Variants in GRM5 observed in about 807,000 individuals in gnomAD.
GRM5 encodes glutamate metabotropic receptor 5.
In GRM5, 19 loss-of-function variants were observed where a neutral mutation model predicts 83.1. That is an observed-to-expected ratio of 0.23 (90% CI 0.16 to 0.34). The LOEUF (loss-of-function observed/expected upper bound fraction) is 0.34, where lower values mean the gene tolerates loss of function less well. Among genes scored for constraint, GRM5 ranks in the 10% least tolerant of loss-of-function variants. The pLI is 1.00. For synonymous variants in GRM5, 675 were observed against 633.6 expected (o/e 1.07, Z -0.98); for missense variants, 1,160 against 1,588.3 (o/e 0.73, Z 4.58).
At chr11:88,837,807 G>A (rs1180038595) in intron 3 of GRM5, among the ~76,000 whole-genome samples, 1 of 152,084 alleles carries the variant, frequency 6.6e-6, no homozygotes, top group South Asian at 2.1e-4. Context: ...TACGTCGGCC[G>A]GGCGCGGTGG....
chr11:88,832,380 T>TA (rs1192150694), intron 3 of GRM5, among the ~76,000 whole-genome samples: 16 of 152,156 alleles, frequency 1.1e-4, no homozygotes, highest in South Asian at 2.1e-4. Flanking sequence ...CAATGGCTAT[T>TA]AAAAAAATCT....
chr11:89,013,952 C>T (rs555871145), intron 2 of GRM5, among the ~76,000 whole-genome samples: 33 of 152,216 alleles, frequency 2.2e-4, no homozygotes, highest in African/African-American at 5.8e-4. Flanking sequence ...AAGTACATTA[C>T]GTTTGAAAAG....
At chr11:88,598,286 T>A (rs974695009) in intron 5 of GRM5, among the ~76,000 whole-genome samples, 3 of 152,172 alleles carry the variant, frequency 2.0e-5, no homozygotes, top group African/African-American at 7.2e-5. Context: ...ATGGAAAATG[T>A]TCTCGCTTTT....
chr11:89,046,265 T>C (rs1201789105), intron 2 of GRM5, among the ~76,000 whole-genome samples: 3 of 152,316 alleles, frequency 2.0e-5, no homozygotes, highest in Non-Finnish European at 4.4e-5. Flanking sequence ...TTGGACTATA[T>C]TGATATGTTA....
In GRM5 at chr11:88,702,098, G is replaced by A. The variant is rs61904084; in HGVS notation, c.912-48695C>T. 2.0e-3 allele frequency among the ~76,000 whole-genome samples: 305 copies of A among 152,122 alleles called. 1 individual carries two copies. The highest frequency in any genetic ancestry group is 2.3e-3 in the Non-Finnish European group (159 of 67,984). On this transcript the variant is annotated intron_variant, in intron 3 of 9. Coordinates refer to ENST00000305447, the MANE Select transcript of GRM5 (RefSeq NM_001143831.3). ...TTTAAGGTTGTCTGCTGTCCCGTTA[G>A]CCAAGGGGGCATTAATTCAGTCTGT...
chr11:88,914,290 A>T (rs1945553893), intron 2 of GRM5, among the ~76,000 whole-genome samples: 1 of 152,160 alleles, frequency 6.6e-6, no homozygotes, highest in African/African-American at 2.4e-5. Context: ...TTAATTCAAA[A>T]ATATGAAGAA....
At chr11:88,550,979 T>A (rs983237398) in intron 8 of GRM5, among the ~76,000 whole-genome samples, 1 of 152,130 alleles carries the variant, frequency 6.6e-6, no homozygotes, top group African/African-American at 2.4e-5. Context: ...CTTCCTTACT[T>A]ATAAAATGGG....
intron 3 of GRM5, among the ~76,000 whole-genome samples, chr11:88,765,091 A>G (rs898831095): frequency 8.6e-5 from 13 of 151,722 alleles, no homozygotes; most frequent in African/African-American, 3.1e-4. Flanking sequence ...TAACAATTTG[A>G]TAACCTAGAT....
intron 8 of GRM5, among the ~76,000 whole-genome samples, chr11:88,540,972 A>T (rs2135131109): frequency 6.6e-6 from 1 of 151,878 alleles, no homozygotes; most frequent in Middle Eastern, 3.4e-3. Context: ...GGATGGTCTC[A>T]ATCTCCTGAC....
At chr11:88,547,553 C>T (rs1942412568) in intron 8 of GRM5, among the ~76,000 whole-genome samples, 1 of 152,174 alleles carries the variant, frequency 6.6e-6, no homozygotes, top group Non-Finnish European at 1.5e-5. Context: ...TCCCATTATT[C>T]TTGTACTCAA....
intron 8 of GRM5, among the ~76,000 whole-genome samples, chr11:88,544,082 CACACAT>C (rs1236812975): frequency 3.9e-5 from 6 of 152,106 alleles, no homozygotes; most frequent in South Asian, 2.1e-4. Context: ...CTCTCACACA[CACACAT>C]ACACATACAC....
At chr11:89,063,643 C>G (rs1942044471) in intron 1 of GRM5, 1 of 152,220 alleles carries the variant, frequency 6.6e-6, no homozygotes, top group Non-Finnish European at 1.5e-5. Context: ...GCAGAACAGC[C>G]GAGCTGAGGG....
intron 2 of GRM5, among the ~76,000 whole-genome samples, chr11:89,002,466 CT>C (rs1940411647): frequency 6.6e-6 from 1 of 152,122 alleles, no homozygotes; most frequent in Admixed American, 6.6e-5. Flanking sequence ...TTTGTTGCCC[CT>C]GATTCCCACA....
chr11:88,679,940 A>G (rs200431443), intron 3 of GRM5, among the ~76,000 whole-genome samples: 1 of 2,006 alleles, frequency 5.0e-4, no homozygotes, highest in African/African-American at 5.6e-4. Flanking sequence ...ATAAAAACAA[A>G]TAGACAAAAA....
At chr11:88,515,643 C>G (rs549722929) in intron 9 of GRM5, among the ~76,000 whole-genome samples, 1 of 152,298 alleles carries the variant, frequency 6.6e-6, no homozygotes, top group South Asian at 2.1e-4. Flanking sequence ...TACTCTTCAT[C>G]CTGACATTTA....
At chr11:88,902,950 C>CAAAAAAA (rs201996144) in intron 2 of GRM5, among the ~76,000 whole-genome samples, 40 of 61,888 alleles carry the variant, frequency 6.5e-4, no homozygotes, top group African/African-American at 2.3e-3. Flanking sequence ...GACTCCATCT[C>CAAAAAAA]AAAAAAAAAA....
chr11:88,559,589 G>A (rs1352782166), intron 8 of GRM5, among the ~76,000 whole-genome samples: 3 of 152,172 alleles, frequency 2.0e-5, no homozygotes, highest in Non-Finnish European at 4.4e-5. Flanking sequence ...CCCATAGCAA[G>A]TGCTCAATAA....
Position 89,047,652 on chromosome 11 carries a change from T to A in GRM5, c.221A>T (p.His74Leu). The A allele has an allele frequency of 6.2e-7, 1 of 1,614,020 alleles. No individual in the cohort carries two copies. Among genetic ancestry groups the A allele is most frequent in the African/African-American group, 1.3e-5 (1 of 75,050 alleles). ...YGIQRVEAML[H>L]TLERINSDPT... Reference sequence around the variant, plus strand: ...GTCTGAATTGATCCTTTCCAGGGTATGCAGCATGGCCTCCACTCTCTGAAT... The same window carrying A: ...GTCTGAATTGATCCTTTCCAGGGTAAGCAGCATGGCCTCCACTCTCTGAAT... Residue 74 changes from histidine to leucine, a missense_variant, in exon 2 of 10, where the codon CAT becomes CTT. Transcript: ENST00000305447. The surrounding 1 kb of genome is among the most constrained non-coding windows in gnomAD (Gnocchi z 5.1).
chr11:88,539,181 C>G (rs1471250751), intron 8 of GRM5, among the ~76,000 whole-genome samples: 1 of 152,216 alleles, frequency 6.6e-6, no homozygotes, highest in Non-Finnish European at 1.5e-5. Context: ...CAGATTTGCT[C>G]TAAAGCTGAT....
Sources: allele counts gnomAD v4.1 joint callset (sites outside exome capture counted in the v4.1 genomes callset), GRCh38; gene constraint gnomAD v4.1.1; non-coding constraint Gnocchi (gnomAD v3.1); transcripts MANE v1.5; gene names NCBI Gene and HGNC (gene_info 2026-07-23, HGNC 2026-07-21).